The following MRO variants were observed in gnomAD, a reference collection of about 807,000 sequenced individuals.
MRO encodes protein maestro.
Under a neutral mutation model 31.0 loss-of-function variants are expected in MRO, and 28 were observed. The ratio of observed to expected loss-of-function variants is 0.90; its 90% CI spans 0.67 to 1.24. The LOEUF is 1.24. Among genes scored for constraint, MRO ranks in the 50% most tolerant of loss-of-function variants. The probability of loss-of-function intolerance (pLI) is 0.00; values close to 1 mark genes in which losing one functional copy is unlikely to be tolerated. For missense variants in MRO, 332 were observed against 289.2 expected (o/e 1.15, Z -1.07); for synonymous variants, 108 against 108.4 (o/e 1.00, Z 0.02).
intron 2 of MRO, among the ~76,000 whole-genome samples, chr18:50,813,120 G>T (rs1914606024): frequency 6.6e-6 from 1 of 152,156 alleles, no homozygotes; most frequent in Non-Finnish European, 1.5e-5. Context: ...GGTGCATGGG[G>T]ACTCGGTTTC....
chr18:50,808,497 C>T (rs894075544), intron 3 of MRO, among the ~76,000 whole-genome samples: 1 of 148,302 alleles, frequency 6.7e-6, no homozygotes, highest in African/African-American at 2.5e-5. Context: ...CTCGCTCTGT[C>T]GCCCAGGCTG....
At chr18:50,802,197 T>C (rs1913403437) in intron 5 of MRO, among the ~76,000 whole-genome samples, 1 of 152,210 alleles carries the variant, frequency 6.6e-6, no homozygotes, top group Non-Finnish European at 1.5e-5. Context: ...CTCCAGCATT[T>C]TTGCCAAGTC....
At chr18:50,806,928 A>G (rs1914003999) in intron 3 of MRO, 78 bp from the exon 4 acceptor site, 2 of 1,432,992 alleles carry the variant, frequency 1.4e-6, no homozygotes, top group South Asian at 2.4e-5. Context: ...TCTCCCTCTA[A>G]AGAAAATCCC....
At chr18:50,820,081 G>A (rs900119017), upstream of MRO, 1 of 935,802 alleles carries the variant, frequency 1.1e-6, no homozygotes, top group Admixed American at 2.1e-5. Flanking sequence ...GCGGCCGCGA[G>A]ATGGCGGCAT....
intron 3 of MRO, among the ~76,000 whole-genome samples, chr18:50,808,123 C>T (rs1405842185): frequency 2.0e-5 from 3 of 152,078 alleles, no homozygotes; most frequent in Non-Finnish European, 2.9e-5. Context: ...ACACCAAACT[C>T]TAAGTAATTG....
At position 50,799,211 on chromosome 18, in the gene MRO, G is replaced by A. The variant is rs1913044607; in HGVS notation, c.*126C>T. 3.7e-6 allele frequency: 3 copies of A among 804,644 alleles called. No homozygotes were observed. The highest frequency in any genetic ancestry group is 2.5e-5 in the East Asian group (1 of 40,044). The allele number at this position is 804,644 out of a possible 1,614,324, so 49.8% of individuals were successfully genotyped here. A position where few individuals can be genotyped will look rare whatever the true frequency, so the allele number is the denominator to read the frequency against. ...ATTTTTGCCTTTGATTGCTCTCCCA[G>A]CACCCTCTTTCCCATTACAATCCCA... On this transcript the variant is annotated 3_prime_UTR_variant, in exon 8 of 8. Transcript: ENST00000398439.
Position 50,796,279 on chromosome 18 carries a change from A to G in MRO, c.*3058T>C, listed in dbSNP as rs1912784510. The stretch of plus-strand genomic sequence containing the variant: ...CAGTAAGGAATGACAGCTTCAGATG[A>G]CTTTCTGACATTTTTCCCCCTAATC... On this transcript the variant is annotated 3_prime_UTR_variant, in exon 8 of 8. Transcript: ENST00000398439. 6.6e-6 allele frequency: 1 copy of G among 152,106 alleles called. No individual in the cohort carries two copies. Among genetic ancestry groups the G allele is most frequent in the African/African-American group, 2.4e-5 (1 of 41,416 alleles). The allele number at this position is 152,106 out of a possible 1,614,324, so 9.4% of individuals were successfully genotyped here. A position where few individuals can be genotyped will look rare whatever the true frequency, so the allele number is the denominator to read the frequency against.
intron 3 of MRO, among the ~76,000 whole-genome samples, chr18:50,808,866 G>A (rs1377865950): frequency 2.6e-5 from 4 of 151,610 alleles, no homozygotes; most frequent in Admixed American, 2.0e-4. Flanking sequence ...GGCCGGGCGC[G>A]GTGGCTCACG....
upstream of MRO, among the ~76,000 whole-genome samples, chr18:50,823,418 A>C (rs1223207198): frequency 6.6e-6 from 1 of 152,228 alleles, no homozygotes; most frequent in Non-Finnish European, 1.5e-5. Flanking sequence ...GCAGTTCTCC[A>C]AACTCTATAA....
At chr18:50,823,434 A>T (rs528199378), upstream of MRO, 2 of 152,332 alleles carry the variant, frequency 1.3e-5, no homozygotes, top group East Asian at 3.9e-4. Flanking sequence ...TATAAACAGT[A>T]AGCTGTCTCA....
At chr18:50,823,790 AG>A (rs1257711837), upstream of MRO, 1 of 197,954 alleles carries the variant, frequency 5.1e-6, no homozygotes, top group Non-Finnish European at 1.1e-5. Flanking sequence ...ATGTGTGCCC[AG>A]GCCAAACAAT....
upstream of MRO, among the ~76,000 whole-genome samples, chr18:50,821,410 C>A (rs926347612): frequency 5.3e-5 from 8 of 152,170 alleles, no homozygotes; most frequent in Non-Finnish European, 7.3e-5. Flanking sequence ...TAGCTTTAAT[C>A]TTTTCAGTAA....
chr18:50,804,875 T>G (rs9953181), intron 5 of MRO, among the ~76,000 whole-genome samples: 4,097 of 151,660 alleles, frequency 0.027, 78 homozygotes, highest in East Asian at 0.052. Context: ...CACTGCAACC[T>G]CCACCTCCCA....
chr18:50,821,243 G>T (rs1915290705), upstream of MRO, among the ~76,000 whole-genome samples: 1 of 152,190 alleles, frequency 6.6e-6, no homozygotes, highest in African/African-American at 2.4e-5. Context: ...GTGGTAATAG[G>T]AAGAGGTGGA....
chr18:50,816,918 A>G (rs1036449239), intron 2 of MRO, among the ~76,000 whole-genome samples: 8 of 152,276 alleles, frequency 5.3e-5, no homozygotes, highest in Non-Finnish European at 7.4e-5. Flanking sequence ...TCCATTGGTA[A>G]AGAAAACAAA....
chr18:50,823,289 G>A (rs896367885), upstream of MRO, among the ~76,000 whole-genome samples: 6 of 152,140 alleles, frequency 3.9e-5, no homozygotes, highest in Non-Finnish European at 7.3e-5. Context: ...TAAAAACAAA[G>A]GTCTTTTGGC....
intron 4 of MRO, among the ~76,000 whole-genome samples, chr18:50,805,628 CTGGGGAGAACTAGGTACCTTTATAG>C (rs1913848069): frequency 6.6e-6 from 1 of 152,020 alleles, no homozygotes; most frequent in South Asian, 2.1e-4. Context: ...ATCTCAGGGC[CTGGGGAGAACTAGGTACCTTTATAG>C]TGGGGAGGAG....
intron 2 of MRO, among the ~76,000 whole-genome samples, chr18:50,809,896 A>C (rs1387056186): frequency 6.6e-6 from 1 of 152,242 alleles, no homozygotes; most frequent in Non-Finnish European, 1.5e-5. Context: ...AAAGATATAC[A>C]CAAAGGATAG....
At chr18:50,820,266 C>A (rs1166033916), upstream of MRO, among the ~76,000 whole-genome samples, 1 of 152,204 alleles carries the variant, frequency 6.6e-6, no homozygotes, top group African/African-American at 2.4e-5. Flanking sequence ...TAACCGTTGA[C>A]GTCCCTTCCT....
Sources: gnomAD v4.1 joint callset for allele counts (sites outside exome capture counted in the v4.1 genomes callset) on GRCh38, gnomAD v4.1.1 for gene constraint, MANE v1.5 for transcripts, NCBI Gene and HGNC (gene_info 2026-07-23, HGNC 2026-07-21) for gene names.